The following SORBS2 variants were observed in gnomAD, a reference collection of about 807,000 sequenced individuals.
SORBS2 encodes sorbin and SH3 domain-containing protein 2.
SORBS2 carries 46 observed loss-of-function variants against 97.7 expected under a neutral mutation model. That is an observed-to-expected ratio of 0.47 (90% CI 0.37 to 0.60). The LOEUF (loss-of-function observed/expected upper bound fraction) is 0.60. Among genes scored for constraint, SORBS2 ranks in the 20% least tolerant of loss-of-function variants. SORBS2 has a pLI of 0.00. For missense variants in SORBS2, 1,316 were observed against 1,282.3 expected, an observed-to-expected ratio of 1.03 and a Z score of -0.40; for synonymous variants, 476 against 473.4, an observed-to-expected ratio of 1.01 and a Z score of -0.07.
At chr4:185,638,946 G>A (rs777193402) in intron 4 of SORBS2, 6 of 1,522,512 alleles carry the variant, frequency 3.9e-6, no homozygotes, top group East Asian at 2.7e-5. Context: ...GAGGGGAGGG[G>A]CTACCAGTGA....
chr4:185,685,624 T>G (rs937281774), intron 2 of SORBS2, among the ~76,000 whole-genome samples: 2 of 152,156 alleles, frequency 1.3e-5, no homozygotes, highest in Non-Finnish European at 2.9e-5. Context: ...CTCAACCTCC[T>G]GCGCTCAAGC....
Position 185,623,749 on chromosome 4 carries a change from C to T in SORBS2, c.1380G>A (p.Glu460=), listed in dbSNP as rs2096760580. ...CGGGGGGGCCGCTTTGATTTTCTTCCTCCAGCAAATACTCAATGGAAAACC... is the reference window on the plus strand; with the variant it reads ...CGGGGGGGCCGCTTTGATTTTCTTCTTCCAGCAAATACTCAATGGAAAACC... The change falls in exon 7 of 15, where the codon GAG becomes GAA. Residue 460 remains glutamate, a synonymous_variant. Transcript: ENST00000418609. The surrounding 1 kb of genome is among the most constrained non-coding windows in gnomAD (Gnocchi z 6.4). 3.1e-6 allele frequency: 5 copies of T among 1,614,024 alleles called. No homozygotes were observed. In the Middle Eastern group the frequency reaches 6.6e-4, roughly 212 times the overall value.
chr4:185,677,630 A>AG, intron 4 of SORBS2: 1 of 1,510,782 alleles, frequency 6.6e-7, no homozygotes, highest in South Asian at 1.2e-5. Context: ...TTTCTGGTGG[A>AG]GGGGGTGCCT....
chr4:185,623,485 A>ATGG lies in SORBS2; in HGVS notation c.1641_1643dup (p.His554dup). 2.5e-6 allele frequency: 4 copies of ATGG among 1,612,340 alleles called. No homozygotes were observed. Among genetic ancestry groups the ATGG allele is most frequent in the South Asian group, 1.1e-5 (1 of 90,870 alleles). On this transcript the variant is annotated inframe_insertion, in exon 7 of 15. Coordinates refer to ENST00000418609, the Ensembl canonical transcript of SORBS2. The surrounding 1 kb of genome is among the most constrained non-coding windows in gnomAD (Gnocchi z 6.4). ...GGTGGCGGTGGTGGTGGTGGTGGTG[A>ATGG]TGGTGGTGGTGGTGGCTGGATCCGT... is the stretch of plus-strand genomic sequence containing the variant.
At chr4:185,637,298 C>T (rs1032379413) in intron 4 of SORBS2, among the ~76,000 whole-genome samples, 2 of 152,216 alleles carry the variant, frequency 1.3e-5, no homozygotes, top group African/African-American at 4.8e-5. Context: ...GTGCAGGAAC[C>T]TGCTGTACAG....
intron 5 of SORBS2, among the ~76,000 whole-genome samples, chr4:185,630,054 G>A (rs1209632513): frequency 6.6e-6 from 1 of 151,932 alleles, no homozygotes; most frequent in Non-Finnish European, 1.5e-5. Flanking sequence ...GAGATAAAGT[G>A]GGGACAATAG....
At chr4:185,701,655 T>C (rs533902738) in intron 2 of SORBS2, among the ~76,000 whole-genome samples, 1 of 152,328 alleles carries the variant, frequency 6.6e-6, no homozygotes, top group African/African-American at 2.4e-5. Flanking sequence ...ACATGAACTA[T>C]TATTATTGGG....
intron 2 of SORBS2, among the ~76,000 whole-genome samples, chr4:185,733,549 G>A (rs2098660304): frequency 6.6e-6 from 1 of 152,220 alleles, no homozygotes; most frequent in Non-Finnish European, 1.5e-5. Flanking sequence ...GCTGAGACAA[G>A]GTGTGTGCTT....
intron 2 of SORBS2, among the ~76,000 whole-genome samples, chr4:185,717,449 G>A (rs556673056): frequency 1.3e-5 from 2 of 152,190 alleles, no homozygotes; most frequent in East Asian, 1.9e-4. Flanking sequence ...CTCCAATAGC[G>A]ATCCTGTGTG....
chr4:185,698,979 T>C (rs2098219699), intron 2 of SORBS2, among the ~76,000 whole-genome samples: 1 of 152,230 alleles, frequency 6.6e-6, no homozygotes, highest in Non-Finnish European at 1.5e-5. Context: ...GCCTGCTTAT[T>C]GTTAATTCAC....
chr4:185,814,980 C>T (rs2099192395), intron 1 of SORBS2, among the ~76,000 whole-genome samples: 2 of 152,238 alleles, frequency 1.3e-5, no homozygotes, highest in African/African-American at 4.8e-5. Context: ...GTGCTAGATA[C>T]AGATTTCCAA....
intron 1 of SORBS2, among the ~76,000 whole-genome samples, chr4:185,898,876 C>A (rs1037962898): frequency 2.0e-5 from 3 of 152,124 alleles, no homozygotes; most frequent in Non-Finnish European, 4.4e-5. Context: ...CTAGTATAAC[C>A]CACACGATAT....
chr4:185,672,848 G>T (rs1159894674), intron 4 of SORBS2, among the ~76,000 whole-genome samples: 2 of 152,126 alleles, frequency 1.3e-5, no homozygotes, highest in Non-Finnish European at 2.9e-5. Context: ...GCTGAGACTT[G>T]CCAGAATGCG....
At chr4:185,940,883 T>C (rs2099271626) in intron 1 of SORBS2, among the ~76,000 whole-genome samples, 1 of 152,188 alleles carries the variant, frequency 6.6e-6, no homozygotes, top group African/African-American at 2.4e-5. Context: ...TGGTTTTCAG[T>C]CAGGAGAGAC....
rs2099153884 is a variant in SORBS2 at position 185,806,434 on chromosome 4, C to CTGTTTTTTTTTTTTTTTTTTTTT, written c.-337-31069_-337-31068insAAAAAAAAAAAAAAAAAAAAACA. Among the ~76,000 whole-genome samples, 2 of 108,110 alleles carry CTGTTTTTTTTTTTTTTTTTTTTT rather than the reference C, an allele frequency of 1.8e-5. 1 individual carries two copies. The allele number at this position is 108,110 out of a possible 152,430, so 70.9% of individuals were successfully genotyped here. A position where few individuals can be genotyped will look rare whatever the true frequency, so the allele number is the denominator to read the frequency against. On this transcript the variant is annotated intron_variant, in intron 1 of 20. Transcript: ENST00000284776. ...AGTGGCACAGCTCTTGGCTAGAATC[C>CTGTTTTTTTTTTTTTTTTTTTTT]TATTTTTTTTTTTTTTTTTTTTTTT...
chr4:185,867,647 C>A (rs2648116), intron 1 of SORBS2, among the ~76,000 whole-genome samples: 59,882 of 151,708 alleles, frequency 0.39, 12,267 homozygotes, highest in Middle Eastern at 0.45. Flanking sequence ...CCAAATCATC[C>A]CTGCTTGCTT....
intron 2 of SORBS2, among the ~76,000 whole-genome samples, chr4:185,760,756 G>A (rs1481674262): frequency 6.6e-6 from 1 of 152,190 alleles, no homozygotes; most frequent in East Asian, 1.9e-4. Context: ...AGTGTGCAGT[G>A]CATTAAAAAC....
At chr4:185,899,794 C>T (rs1365842412) in intron 1 of SORBS2, among the ~76,000 whole-genome samples, 3 of 152,174 alleles carry the variant, frequency 2.0e-5, no homozygotes, top group Admixed American at 6.5e-5. Flanking sequence ...AGGCTTCGCA[C>T]GTTCTTTACA....
chr4:185,803,290 CA>C (rs1163851425), intron 1 of SORBS2, among the ~76,000 whole-genome samples: 1 of 152,142 alleles, frequency 6.6e-6, no homozygotes, highest in Non-Finnish European at 1.5e-5. Context: ...TTGTTCCTGA[CA>C]GTTGCAAAAT....
Sources: gnomAD v4.1 joint callset for allele counts (sites outside exome capture counted in the v4.1 genomes callset) on GRCh38, gnomAD v4.1.1 for gene constraint, Gnocchi (gnomAD v3.1) non-coding constraint, MANE v1.5 for transcripts, NCBI Gene and HGNC (gene_info 2026-07-23, HGNC 2026-07-21) for gene names.